Variants in PHTF1 observed in about 807,000 individuals in gnomAD.
PHTF1 encodes protein PHTF1.
In PHTF1, 88 loss-of-function variants were observed where a neutral mutation model predicts 102.4. The ratio of observed to expected loss-of-function variants is 0.86; its 90% CI spans 0.72 to 1.03. The LOEUF is 1.03. Ranked by LOEUF, PHTF1 falls within the 50% of genes least tolerant of loss-of-function variation. The probability of loss-of-function intolerance (pLI) is 0.00; values close to 1 mark genes in which losing one functional copy is unlikely to be tolerated. For synonymous variants in PHTF1, 289 were observed against 305.2 expected, an observed-to-expected ratio of 0.95 and a Z score of 0.55; for missense variants, 814 against 909.5, an observed-to-expected ratio of 0.89 and a Z score of 1.35.
At chr1:113,745,119 T>A (rs1020900275) in intron 3 of PHTF1, among the ~76,000 whole-genome samples, 5 of 151,544 alleles carry the variant, frequency 3.3e-5, no homozygotes, top group African/African-American at 1.2e-4. Flanking sequence ...TAAAGTAAGT[T>A]TGAGAAGGCC....
In PHTF1 at chr1:113,759,428, C is replaced by CGGA. The variant is rs1659388080; in HGVS notation, c.-437_-436insTCC. On this transcript the variant is annotated 5_prime_UTR_variant, in exon 1 of 19. Transcript: ENST00000369604. Reference sequence around the variant, plus strand: ...AGCCCGGGAGCCCGGGAGGAGGAGGCGGCGGCAGCGGCGCTCGTCTTCTGC... The same window carrying CGGA: ...AGCCCGGGAGCCCGGGAGGAGGAGGCGGAGGCGGCAGCGGCGCTCGTCTTCTGC... 5.8e-3 allele frequency: 1 copy of CGGA among 172 alleles called. No homozygotes were observed. The allele number at this position is 172 out of a possible 1,614,324, so 0.0% of individuals were successfully genotyped here. A position where few individuals can be genotyped will look rare whatever the true frequency, so the allele number is the denominator to read the frequency against.
rs141911123 is a variant in PHTF1, at chr1:113,733,614, C to T, written c.331+4496G>A. Among the ~76,000 whole-genome samples the T allele has an allele frequency of 1.9e-3, 286 of 152,216 alleles. 1 individual carries two copies. Among genetic ancestry groups the T allele is most frequent in the Middle Eastern group, 6.8e-3 (2 of 294 alleles). On this transcript the variant is annotated intron_variant, in intron 5 of 18. Transcript: ENST00000369604. Reference sequence around the variant, plus strand: ...GATTAGTAACCTTATTAACGAGATTCCAGAGAGCTCCTGTGGCCCTTCAGC... The same window carrying T: ...GATTAGTAACCTTATTAACGAGATTTCAGAGAGCTCCTGTGGCCCTTCAGC...
chr1:113,701,010 C>A (rs1462562692), intron 15 of PHTF1, 61 bp from the exon 16 acceptor site: 2 of 1,216,138 alleles, frequency 1.6e-6, no homozygotes, highest in Non-Finnish European at 2.4e-6. Flanking sequence ...TGTAATTACT[C>A]TTTTACTCTG....
chr1:113,734,604 T>C (rs1301630639), intron 5 of PHTF1, among the ~76,000 whole-genome samples: 1 of 152,230 alleles, frequency 6.6e-6, no homozygotes, highest in African/African-American at 2.4e-5. Flanking sequence ...TCTTCCTATG[T>C]GCTTATAGTA....
At chr1:113,734,800 C>G (rs565792906) in intron 5 of PHTF1, among the ~76,000 whole-genome samples, 1 of 152,072 alleles carries the variant, frequency 6.6e-6, no homozygotes, top group East Asian at 1.9e-4. Context: ...ATAGATGTGG[C>G]CTTATAAAAT....
chr1:113,732,685 G>A (rs1284455004), intron 5 of PHTF1, among the ~76,000 whole-genome samples: 1 of 151,794 alleles, frequency 6.6e-6, no homozygotes, highest in Non-Finnish European at 1.5e-5. Flanking sequence ...CAAAACTGAT[G>A]GTACAGAATA....
rs1648999172 is a variant in PHTF1 at position 113,698,161 on chromosome 1, AC to A, written c.2268+100del. The A allele has an allele frequency of 8.9e-6, 3 of 338,412 alleles. No individual in the cohort carries two copies. The East Asian group carries it at 1.4e-4, about 16-fold the overall frequency. The allele number at this position is 338,412 out of a possible 1,614,324, so 21.0% of individuals were successfully genotyped here. A position where few individuals can be genotyped will look rare whatever the true frequency, so the allele number is the denominator to read the frequency against. On this transcript the variant is annotated intron_variant, in intron 18 of 18. Transcript: ENST00000369604. ...TTATTTGCATGCTAGAAACACACAC[AC>A]ACACACACACACACACACACACACA...
intron 3 of PHTF1, among the ~76,000 whole-genome samples, chr1:113,755,229 T>C (rs769795349): frequency 6.6e-5 from 10 of 152,174 alleles, no homozygotes; most frequent in Non-Finnish European, 1.2e-4. Flanking sequence ...TTTGTGTTCA[T>C]GTATTTTTAA....
chr1:113,697,299 A>C lies in PHTF1; in HGVS notation c.*406T>G. 6.2e-6 allele frequency: 1 copy of C among 162,204 alleles called. No homozygotes were observed. The highest frequency in any genetic ancestry group is 3.0e-3 in the Middle Eastern group (1 of 334). The allele number at this position is 162,204 out of a possible 1,614,324, so 10.0% of individuals were successfully genotyped here. The stretch of plus-strand genomic sequence containing the variant: ...AATGAAATCTCCAGTTCTATAGACT[A>C]TAATGGAAAAGTATTGAATTTGCAT... On this transcript the variant is annotated 3_prime_UTR_variant, in exon 19 of 19. Transcript: ENST00000369604.
intron 3 of PHTF1, among the ~76,000 whole-genome samples, chr1:113,755,245 G>C (rs566545056): frequency 1.1e-4 from 17 of 149,780 alleles, no homozygotes; most frequent in Non-Finnish European, 2.5e-4. Flanking sequence ...TTTAAATTTA[G>C]CATTAATTTT....
chr1:113,733,466 A>C (rs140030474), intron 5 of PHTF1, among the ~76,000 whole-genome samples: 2 of 152,214 alleles, frequency 1.3e-5, no homozygotes, highest in African/African-American at 4.8e-5. Flanking sequence ...CAATATGGGA[A>C]GATGCTATAA....
chr1:113,731,257 C>T (rs1016409144), intron 5 of PHTF1, among the ~76,000 whole-genome samples: 1 of 152,124 alleles, frequency 6.6e-6, no homozygotes, highest in African/African-American at 2.4e-5. Flanking sequence ...GGTGTGGTGG[C>T]TCACACGTGT....
chr1:113,714,786 A>C (rs1029237159), intron 7 of PHTF1: 3 of 152,352 alleles, frequency 2.0e-5, no homozygotes, highest in African/African-American at 7.2e-5. Context: ...CATAGGTGGT[A>C]GACAGGCAAG....
chr1:113,748,515 ATTTAT>A (rs1657554264), intron 3 of PHTF1, among the ~76,000 whole-genome samples: 1 of 151,750 alleles, frequency 6.6e-6, no homozygotes, highest in South Asian at 2.1e-4. Context: ...TTTCCACTGA[ATTTAT>A]TTTAATTTTT....
chr1:113,704,410 A>T (rs1438092172), intron 14 of PHTF1, among the ~76,000 whole-genome samples: 1 of 152,214 alleles, frequency 6.6e-6, no homozygotes, highest in Non-Finnish European at 1.5e-5. Flanking sequence ...CAAAAAAGCC[A>T]GAAAAATATA....
At chr1:113,713,211 A>G in intron 8 of PHTF1, 68 bp downstream of exon 8, 1 of 1,397,350 alleles carries the variant, frequency 7.2e-7, no homozygotes, top group Non-Finnish European at 1.0e-6. Flanking sequence ...TTATATCTCT[A>G]ACAGAATCTT....
chr1:113,729,300 G>A (rs984142522), intron 5 of PHTF1, among the ~76,000 whole-genome samples: 1 of 152,146 alleles, frequency 6.6e-6, no homozygotes, highest in Non-Finnish European at 1.5e-5. Context: ...GGGATGTGGG[G>A]ATGGTTCATG....
intron 7 of PHTF1, among the ~76,000 whole-genome samples, chr1:113,722,959 TAAATAAAA>T (rs929027161): frequency 7.6e-5 from 11 of 145,344 alleles, no homozygotes; most frequent in Middle Eastern, 3.6e-3. Context: ...AATAAATAAA[TAAATAAAA>T]ATAAAAATTA....
intron 5 of PHTF1, among the ~76,000 whole-genome samples, chr1:113,733,198 C>G (rs866514262): frequency 6.6e-6 from 1 of 151,330 alleles, no homozygotes; most frequent in Non-Finnish European, 1.5e-5. Context: ...CACTGCCCCC[C>G]ACCTAGATAA....
Sources: allele counts gnomAD v4.1 joint callset (sites outside exome capture counted in the v4.1 genomes callset), GRCh38; gene constraint gnomAD v4.1.1; transcripts MANE v1.5; gene names NCBI Gene and HGNC (gene_info 2026-07-23, HGNC 2026-07-21).